The following PLCE1 variants were observed in gnomAD, a reference collection of about 807,000 sequenced individuals.
PLCE1 encodes the protein 1-phosphatidylinositol 4,5-bisphosphate phosphodiesterase epsilon-1.
In PLCE1, 119 loss-of-function variants were observed where a neutral mutation model predicts 242.8. The observed-to-expected ratio is 0.49, with a 90% CI of 0.42 to 0.57. The LOEUF (loss-of-function observed/expected upper bound fraction) is 0.57. Among genes scored for constraint, PLCE1 ranks in the 20% least tolerant of loss-of-function variants. The probability of loss-of-function intolerance (pLI) is 0.00; values close to 1 mark genes in which losing one functional copy is unlikely to be tolerated. For missense variants in PLCE1, 2,441 were observed against 2,788.8 expected (o/e 0.88, Z 2.81); for synonymous variants, 945 against 1,017.4 (o/e 0.93, Z 1.35).
At chr10:94,282,827 A>G (rs1446846703) in intron 20 of PLCE1, among the ~76,000 whole-genome samples, 1 of 152,144 alleles carries the variant, frequency 6.6e-6, no homozygotes, top group Non-Finnish European at 1.5e-5. Flanking sequence ...CCTAACGGTC[A>G]GGAAGGTAAA....
At chr10:94,310,272 TCTC>T (rs1442707988) in intron 27 of PLCE1, among the ~76,000 whole-genome samples, 1 of 152,170 alleles carries the variant, frequency 6.6e-6, no homozygotes, top group Non-Finnish European at 1.5e-5. Context: ...TTTCTGCCCT[TCTC>T]CTGCCCTCAC....
chr10:94,030,980 A>T lies in PLCE1; in HGVS notation c.-67A>T. ...TGTTGTAATAATCAGTCATTTTATTAAAACCTTGACATGATCACCAGGGAG... is the reference window on the plus strand; with the variant it reads ...TGTTGTAATAATCAGTCATTTTATTTAAACCTTGACATGATCACCAGGGAG... On this transcript the variant is annotated 5_prime_UTR_variant, in exon 2 of 33. It introduces an in-frame stop codon into an upstream open reading frame of the 5' UTR. Transcript: ENST00000371380. 6.6e-7 allele frequency: 1 copy of T among 1,520,068 alleles called. No individual in the cohort carries two copies. The highest frequency in any genetic ancestry group is 9.1e-7 in the Non-Finnish European group (1 of 1,095,486). The allele number at this position is 1,520,068 out of a possible 1,614,324, so 94.2% of individuals were successfully genotyped here. A position where few individuals can be genotyped will look rare whatever the true frequency, so the allele number is the denominator to read the frequency against.
chr10:94,004,683 T>G (rs779430387), intron 1 of PLCE1, among the ~76,000 whole-genome samples: 2 of 152,182 alleles, frequency 1.3e-5, no homozygotes, highest in Non-Finnish European at 2.9e-5. Context: ...AATTTTGGAC[T>G]TTTTTTCAAC....
chr10:94,118,119 A>G (rs2046190325), intron 2 of PLCE1, among the ~76,000 whole-genome samples: 1 of 152,190 alleles, frequency 6.6e-6, no homozygotes. Context: ...AGTTTTGTTA[A>G]CTTTAAAAGA....
At chr10:94,145,405 C>G (rs528402214) in intron 3 of PLCE1, among the ~76,000 whole-genome samples, 1 of 152,166 alleles carries the variant, frequency 6.6e-6, no homozygotes, top group Non-Finnish European at 1.5e-5. Flanking sequence ...CTCCCCCTAC[C>G]CCATGCCATA....
intron 4 of PLCE1, among the ~76,000 whole-genome samples, chr10:94,201,021 A>G (rs933515508): frequency 2.0e-5 from 3 of 152,230 alleles, no homozygotes; most frequent in Admixed American, 1.3e-4. Flanking sequence ...GTGATGTGGG[A>G]TCCTGGAACA....
intron 23 of PLCE1, among the ~76,000 whole-genome samples, chr10:94,296,934 C>T (rs926846130): frequency 2.0e-5 from 3 of 151,518 alleles, no homozygotes; most frequent in Non-Finnish European, 2.9e-5. Context: ...AGTGCAGTGG[C>T]GCGATCTCAG....
At chr10:94,224,103 CGT>C (rs56911704) in intron 4 of PLCE1, among the ~76,000 whole-genome samples, 64,066 of 149,800 alleles carry the variant, frequency 0.43, 14,359 homozygotes, top group East Asian at 0.62. Flanking sequence ...GGTGTGTGTG[CGT>C]GTGTGTGTGT....
intron 2 of PLCE1, chr10:94,089,189 G>C: frequency 1.2e-6 from 2 of 1,614,004 alleles, no homozygotes; most frequent in Non-Finnish European, 1.7e-6. Flanking sequence ...ATTAAGATTT[G>C]GCACCAGGCT....
chr10:94,218,994 T>A (rs962732354), intron 4 of PLCE1, among the ~76,000 whole-genome samples: 1 of 147,760 alleles, frequency 6.8e-6, no homozygotes, highest in African/African-American at 2.5e-5. Flanking sequence ...TATATATAAA[T>A]AATTATTAAT....
intron 1 of PLCE1, among the ~76,000 whole-genome samples, chr10:93,998,451 G>T (rs1270656847): frequency 6.6e-6 from 1 of 152,080 alleles, no homozygotes; most frequent in Non-Finnish European, 1.5e-5. Context: ...ATGGCTTAAG[G>T]TATAGAGCCT....
intron 4 of PLCE1, among the ~76,000 whole-genome samples, chr10:94,209,690 G>A (rs1182890363): frequency 6.6e-6 from 1 of 152,204 alleles, no homozygotes; most frequent in Non-Finnish European, 1.5e-5. Context: ...GGAACAGCAA[G>A]GGATATGTAA....
chr10:94,025,445 A>G (rs1189343918), intron 1 of PLCE1, among the ~76,000 whole-genome samples: 1 of 152,216 alleles, frequency 6.6e-6, no homozygotes. Context: ...TGCTTAGAAC[A>G]TGCCTGATAG....
At chr10:94,120,854 AG>A (rs1481450498) in intron 2 of PLCE1, 1 of 152,364 alleles carries the variant, frequency 6.6e-6, no homozygotes, top group Admixed American at 6.5e-5. Flanking sequence ...AAGGAACAAC[AG>A]GATGAGATTC....
chr10:94,142,320 G>A (rs1037581208), intron 3 of PLCE1, among the ~76,000 whole-genome samples: 7 of 145,280 alleles, frequency 4.8e-5, no homozygotes, highest in African/African-American at 7.6e-5. Flanking sequence ...AGTTCAAGAC[G>A]AGTGTAGGCA....
intron 4 of PLCE1, among the ~76,000 whole-genome samples, chr10:94,184,622 G>A (rs1590202834): frequency 1.3e-5 from 2 of 152,166 alleles, no homozygotes; most frequent in African/African-American, 2.4e-5. Flanking sequence ...GAGCCACCAC[G>A]CCCGGCCCTC....
intron 2 of PLCE1, among the ~76,000 whole-genome samples, chr10:94,061,287 A>C (rs975234590): frequency 2.6e-5 from 4 of 152,184 alleles, no homozygotes; most frequent in African/African-American, 9.6e-5. Context: ...CTTCTATTGG[A>C]GATGTAAAGA....
rs186420875 is a variant in PLCE1 at position 94,004,935 on chromosome 10, T to C, written c.-365+10677T>C. The stretch of plus-strand genomic sequence containing the variant: ...AGTGTTTCCAACAGTTATTTATTTA[T>C]GGAAGGATAGAACAAAGCATTATAA... On this transcript the variant is annotated intron_variant, in intron 1 of 32. Transcript: ENST00000371380. 1.7e-3 allele frequency among the ~76,000 whole-genome samples: 260 copies of C among 152,346 alleles called. 1 individual carries two copies. Among genetic ancestry groups the C allele is most frequent in the Non-Finnish European group, 3.1e-3 (214 of 68,032 alleles).
intron 1 of PLCE1, among the ~76,000 whole-genome samples, chr10:94,012,034 A>G (rs1445459821): frequency 6.6e-6 from 1 of 152,146 alleles, no homozygotes; most frequent in Non-Finnish European, 1.5e-5. Flanking sequence ...CCTCTTCATC[A>G]GCACTGATGT....
Sources: gnomAD v4.1 joint callset for allele counts (sites outside exome capture counted in the v4.1 genomes callset) on GRCh38, gnomAD v4.1.1 for gene constraint, MANE v1.5 for transcripts, NCBI Gene and HGNC (gene_info 2026-07-23, HGNC 2026-07-21) for gene names.